NLGN1: variants seen among roughly 807,000 people sequenced by gnomAD.
The protein encoded by NLGN1 is neuroligin 1, also known as neuroligin-1.
NLGN1 carries 12 observed loss-of-function variants against 65.5 expected under a neutral mutation model. That is an observed-to-expected ratio of 0.18 (90% confidence interval 0.12 to 0.30). The LOEUF (loss-of-function observed/expected upper bound fraction) is 0.30, where lower values mean the gene tolerates loss of function less well. Ranked by LOEUF, NLGN1 falls within the 10% of genes least tolerant of loss-of-function variation. NLGN1 has a pLI of 1.00. For missense variants in NLGN1, 750 were observed against 1,007.1 expected, an observed-to-expected ratio of 0.74 and a Z score of 3.46; for synonymous variants, 350 against 359.5, an observed-to-expected ratio of 0.97 and a Z score of 0.30.
intron 4 of NLGN1, among the ~76,000 whole-genome samples, chr3:174,022,173 C>A (rs1299620000): frequency 6.6e-6 from 1 of 152,096 alleles, no homozygotes. Context: ...ATCCTTTTAA[C>A]GTCCAGCACT....
At chr3:173,684,952 A>G (rs549918743) in intron 3 of NLGN1, among the ~76,000 whole-genome samples, 1 of 152,176 alleles carries the variant, frequency 6.6e-6, no homozygotes, top group Non-Finnish European at 1.5e-5. Context: ...TTTTTAATAG[A>G]GTTCTTTTGC....
chr3:173,942,108 G>GT (rs1560687798), intron 4 of NLGN1, among the ~76,000 whole-genome samples: 2,856 of 133,596 alleles, frequency 0.021, 63 homozygotes, highest in African/African-American at 0.05. Context: ...TGGTGGTTGG[G>GT]GGTGTGTGTG....
At chr3:174,146,731 C>T (rs1047067510) in intron 4 of NLGN1, among the ~76,000 whole-genome samples, 2 of 151,916 alleles carry the variant, frequency 1.3e-5, no homozygotes, top group African/African-American at 4.8e-5. Flanking sequence ...CTGCGCCGGG[C>T]TAATTTTTGT....
chr3:173,562,691 T>C (rs1310317205), intron 2 of NLGN1, among the ~76,000 whole-genome samples: 1 of 152,212 alleles, frequency 6.6e-6, no homozygotes, highest in African/African-American at 2.4e-5. Flanking sequence ...GTCTTCTTGG[T>C]TGGATATTCC....
intron 4 of NLGN1, among the ~76,000 whole-genome samples, chr3:174,076,666 T>C (rs1740977226): frequency 6.7e-6 from 1 of 148,206 alleles, no homozygotes; most frequent in African/African-American, 2.5e-5. Flanking sequence ...AGTTCCTTTC[T>C]CCTCTGGGAC....
Position 173,472,942 on chromosome 3 carries a change from A to G in NLGN1, c.-321+37864A>G, listed in dbSNP as rs375920597. ...CGGATCTTGCATCATGAATAATTAAACAGTGTTGGCCTATAAATTCCATCA... is the reference window on the plus strand; with the variant it reads ...CGGATCTTGCATCATGAATAATTAAGCAGTGTTGGCCTATAAATTCCATCA... On this transcript the variant is annotated intron_variant, in intron 2 of 6. Coordinates refer to ENST00000457714, the Ensembl canonical transcript of NLGN1. 2.8e-4 allele frequency among the ~76,000 whole-genome samples: 43 copies of G among 152,258 alleles called. 1 individual carries two copies. The East Asian group carries it at 7.7e-3, about 27-fold the overall frequency.
intron 2 of NLGN1, among the ~76,000 whole-genome samples, chr3:173,539,698 G>A (rs1408042998): frequency 7.6e-6 from 1 of 130,742 alleles, no homozygotes; most frequent in African/African-American, 3.1e-5. Flanking sequence ...ATGTACATAT[G>A]CACATATATA....
chr3:173,886,712 A>G (rs1734396931), intron 4 of NLGN1, among the ~76,000 whole-genome samples: 1 of 152,138 alleles, frequency 6.6e-6, no homozygotes. Flanking sequence ...TGTCAGTCAT[A>G]AAATTTCACC....
At chr3:173,499,728 C>T (rs1701189563) in intron 2 of NLGN1, among the ~76,000 whole-genome samples, 2 of 151,846 alleles carry the variant, frequency 1.3e-5, no homozygotes, top group Non-Finnish European at 2.9e-5. Context: ...TCTTTTATTT[C>T]ATTGAGCAGT....
At chr3:173,765,168 G>T (rs1419662957) in intron 3 of NLGN1, among the ~76,000 whole-genome samples, 1 of 151,578 alleles carries the variant, frequency 6.6e-6, no homozygotes, top group Non-Finnish European at 1.5e-5. Context: ...CTTGCTCACA[G>T]AAGTATTTCT....
At chr3:173,519,896 G>T (rs1174882702) in intron 2 of NLGN1, among the ~76,000 whole-genome samples, 1 of 152,078 alleles carries the variant, frequency 6.6e-6, no homozygotes, top group Non-Finnish European at 1.5e-5. Flanking sequence ...GATATGATTT[G>T]TATCTGTATC....
rs754019281 is a variant in NLGN1, at chr3:173,402,975, C to T, written c.-390+4488C>T. Among the ~76,000 whole-genome samples the T allele has an allele frequency of 3.3e-5, 5 of 152,258 alleles. No homozygotes were observed. In the East Asian group the frequency reaches 9.7e-4, roughly 29 times the overall value. On this transcript the variant is annotated intron_variant, in intron 1 of 6. Transcript: ENST00000457714. Reference sequence around the variant, plus strand: ...TTAACTGGGAAGAAGGAGGCAATAACTATCTAGGGCTCCTAACAGGGAGTT... The same window carrying T: ...TTAACTGGGAAGAAGGAGGCAATAATTATCTAGGGCTCCTAACAGGGAGTT...
intron 2 of NLGN1, among the ~76,000 whole-genome samples, chr3:173,581,479 A>C (rs950206341): frequency 2.0e-5 from 3 of 152,028 alleles, no homozygotes; most frequent in African/African-American, 7.2e-5. Context: ...ACTGTTTCAC[A>C]ATTTCAGAGG....
intron 3 of NLGN1, among the ~76,000 whole-genome samples, chr3:173,781,113 C>G (rs1006565176): frequency 8.2e-6 from 1 of 122,678 alleles, no homozygotes; most frequent in South Asian, 2.4e-4. Flanking sequence ...CCACTGCACT[C>G]CAGCCTGGGC....
At chr3:174,282,708 A>C (rs1295529363) in exon 7 of NLGN1, 3 of 152,216 alleles carry the variant, frequency 2.0e-5, no homozygotes, top group Non-Finnish European at 4.4e-5. Flanking sequence ...TCAGATGTAC[A>C]TTTATATTGA....
chr3:173,588,647 C>G, intron 2 of NLGN1, among the ~76,000 whole-genome samples: 1 of 152,076 alleles, frequency 6.6e-6, no homozygotes, highest in Admixed American at 6.6e-5. Context: ...TGCCTATTTC[C>G]GTTGCATGTG....
intron 4 of NLGN1, among the ~76,000 whole-genome samples, chr3:173,881,616 C>T (rs778275295): frequency 3.3e-5 from 5 of 151,486 alleles, no homozygotes; most frequent in East Asian, 2.0e-4. Flanking sequence ...TTAGTAGAGA[C>T]GGGGTTTCAC....
intron 4 of NLGN1, among the ~76,000 whole-genome samples, chr3:174,066,554 C>CTGTGTGTG (rs1330249971): frequency 1.2e-4 from 16 of 133,058 alleles, no homozygotes; most frequent in African/African-American, 4.6e-4. Flanking sequence ...CTCTCTCTCT[C>CTGTGTGTG]TCTCTCTCTC....
intron 3 of NLGN1, among the ~76,000 whole-genome samples, chr3:173,796,429 A>G (rs7640492): frequency 0.82 from 124,928 of 152,148 alleles, 52,046 homozygotes; most frequent in Non-Finnish European, 0.87. Flanking sequence ...AATCGAAAAG[A>G]AACTATTTTG....
Sources: gnomAD v4.1 joint callset for allele counts (sites outside exome capture counted in the v4.1 genomes callset) on GRCh38, gnomAD v4.1.1 for gene constraint, MANE v1.5 for transcripts, NCBI Gene and HGNC (gene_info 2026-07-23, HGNC 2026-07-21) for gene names.